Variants in OSBP2 observed in about 807,000 individuals in gnomAD.
OSBP2 encodes oxysterol-binding protein 2.
A neutral mutation model predicts 96.0 loss-of-function variants in OSBP2; 66 were observed. The observed-to-expected ratio is 0.69, with a 90% confidence interval of 0.56 to 0.84. OSBP2 has a LOEUF of 0.84. Ranked by LOEUF, OSBP2 falls within the 40% of genes least tolerant of loss-of-function variation. The pLI, the probability that OSBP2 is intolerant of heterozygous loss-of-function variation, is 0.00. For missense variants in OSBP2, 1,038 were observed against 1,222.7 expected, an observed-to-expected ratio of 0.85 and a Z score of 2.25; for synonymous variants, 525 against 520.9, an observed-to-expected ratio of 1.01 and a Z score of -0.11.
Position 30,870,818 on chromosome 22 carries a change from G to A in OSBP2, c.1107+136G>A, listed in dbSNP as rs996657805. The A allele has an allele frequency of 2.1e-5, 19 of 885,950 alleles. No homozygotes were observed. Among genetic ancestry groups the A allele is most frequent in the Middle Eastern group, 3.5e-4 (1 of 2,826 alleles). The allele number at this position is 885,950 out of a possible 1,614,324, so 54.9% of individuals were successfully genotyped here. A position where few individuals can be genotyped will look rare whatever the true frequency, so the allele number is the denominator to read the frequency against. ...TTCCACGGTGTTTCCCAAAGCCAGC[G>A]CCCCCCAGCTAGCTTCCGAGTTCTT... is the stretch of plus-strand genomic sequence containing the variant. On this transcript the variant is annotated intron_variant, in intron 3 of 13. Transcript: ENST00000332585. This position sits in a 1 kb window ranked among gnomAD's most constrained non-coding sequence, Gnocchi z 4.1.
At chr22:30,857,857 G>C (rs1403263195) in intron 2 of OSBP2, among the ~76,000 whole-genome samples, 4 of 152,228 alleles carry the variant, frequency 2.6e-5, no homozygotes, top group African/African-American at 9.6e-5. Flanking sequence ...CCTGTGTGGA[G>C]TAAGAGGTTT....
intron 1 of OSBP2, among the ~76,000 whole-genome samples, chr22:30,725,480 C>T (rs779788689): frequency 7.3e-5 from 11 of 151,576 alleles, no homozygotes; most frequent in South Asian, 2.1e-4. Context: ...CACTGCACTT[C>T]GGCCTGGGAG....
At chr22:30,889,040 G>C (rs2039882445) in intron 5 of OSBP2, 137 bp from the exon 6 acceptor site, 1 of 683,724 alleles carries the variant, frequency 1.5e-6, no homozygotes, top group African/African-American at 1.8e-5. Flanking sequence ...TGCGGTGCCT[G>C]TCTACACACA....
At chr22:30,802,585 G>C (rs1233867945) in intron 2 of OSBP2, among the ~76,000 whole-genome samples, 1 of 152,216 alleles carries the variant, frequency 6.6e-6, no homozygotes, top group Non-Finnish European at 1.5e-5. Flanking sequence ...GGCATTTTAA[G>C]AGGCTGAGGT....
At chr22:30,773,671 G>T (rs764261926) in intron 2 of OSBP2, among the ~76,000 whole-genome samples, 7 of 152,064 alleles carry the variant, frequency 4.6e-5, no homozygotes, top group Non-Finnish European at 5.9e-5. Flanking sequence ...AGAAGTGGGC[G>T]CTGGTGCTCT....
At chr22:30,767,043 CA>C (rs989677000) in intron 2 of OSBP2, among the ~76,000 whole-genome samples, 7 of 130,170 alleles carry the variant, frequency 5.4e-5, no homozygotes, top group Non-Finnish European at 9.4e-5. Flanking sequence ...AAGGATGCTA[CA>C]AAAAAAGCTC....
chr22:30,695,320 C>G lies in OSBP2; in HGVS notation c.411C>G (p.Leu137=). 1 of 1,613,488 alleles carries G rather than the reference C, an allele frequency of 6.2e-7. No individual in the cohort carries two copies. The highest frequency in any genetic ancestry group is 1.7e-5 in the Admixed American group (1 of 60,026). Residue 137 remains leucine (L), a synonymous_variant, in exon 1 of 14, where the codon CTC becomes CTG. Coordinates refer to ENST00000332585, the MANE Select transcript of OSBP2 (RefSeq NM_030758.4). ...LSRAVGSATF[L]RPESGSLPAL... ...GGGCGGTGGGGAGCGCGACCTTTCT[C>G]AGACCCGAGTCAGGATCGCTGCCAG...
At chr22:30,717,090 T>TTTTTGTGTGTGTGTG (rs71328866) in intron 1 of OSBP2, among the ~76,000 whole-genome samples, 20 of 118,414 alleles carry the variant, frequency 1.7e-4, no homozygotes, top group African/African-American at 5.7e-4. Flanking sequence ...TTTACTGTTT[T>TTTTTGTGTGTGTGTG]TGTGTGTGTG....
At chr22:30,825,674 C>A (rs193288945) in intron 2 of OSBP2, among the ~76,000 whole-genome samples, 1 of 152,176 alleles carries the variant, frequency 6.6e-6, no homozygotes, top group Non-Finnish European at 1.5e-5. Flanking sequence ...CTGGTTGGAA[C>A]GTAAGTCACG....
chr22:30,845,715 C>T (rs1569147775), intron 2 of OSBP2, among the ~76,000 whole-genome samples: 1 of 151,822 alleles, frequency 6.6e-6, no homozygotes, highest in African/African-American at 2.4e-5. Flanking sequence ...AATCCCATCT[C>T]TACCAAAAAT....
chr22:30,713,441 T>G (rs1407267394), intron 1 of OSBP2, among the ~76,000 whole-genome samples: 3 of 143,558 alleles, frequency 2.1e-5, no homozygotes, highest in African/African-American at 7.7e-5. Flanking sequence ...CAATGAAGTA[T>G]TTTATTTTAT....
chr22:30,745,307 G>A (rs937128176), intron 2 of OSBP2, among the ~76,000 whole-genome samples: 2 of 152,026 alleles, frequency 1.3e-5, no homozygotes, highest in South Asian at 2.1e-4. Flanking sequence ...CTTTATACCC[G>A]AAGGAAGTAG....
intron 12 of OSBP2, 122 bp downstream of exon 12, chr22:30,894,123 G>GT: frequency 6.8e-6 from 5 of 737,180 alleles, no homozygotes; most frequent in Non-Finnish European, 8.8e-6. Flanking sequence ...GCAGAGAACA[G>GT]TATTATGCAG....
chr22:30,905,396 C>G (rs2040309008), intron 12 of OSBP2, among the ~76,000 whole-genome samples: 1 of 151,820 alleles, frequency 6.6e-6, no homozygotes, highest in African/African-American at 2.4e-5. Flanking sequence ...CCGGCCTCAG[C>G]CTCCCAAAGC....
At chr22:30,888,720 C>T (rs967734873) in intron 5 of OSBP2, among the ~76,000 whole-genome samples, 149 of 152,258 alleles carry the variant, frequency 9.8e-4, no homozygotes, top group African/African-American at 3.6e-3. Flanking sequence ...CAGAGAGACC[C>T]TGTCTCAAAA....
chr22:30,881,065 T>G lies in OSBP2; in HGVS notation c.1108-6361T>G, dbSNP rs2039693539. On this transcript the variant is annotated intron_variant, in intron 3 of 13. Coordinates refer to ENST00000332585, the MANE Select transcript of OSBP2 (RefSeq NM_030758.4). This position sits in a 1 kb window ranked among gnomAD's most constrained non-coding sequence, Gnocchi z 4.5. ...CGAGCTTTGTGGTTCTCACTCTGCT[T>G]GGGGGCAACTCGACAGGCTCCCTGC... 6.6e-6 allele frequency among the ~76,000 whole-genome samples: 1 copy of G among 152,074 alleles called. No homozygotes were observed. The highest frequency in any genetic ancestry group is 6.5e-5 in the Admixed American group (1 of 15,278).
intron 5 of OSBP2, 51 bp from the exon 6 acceptor site, chr22:30,889,126 A>G: frequency 6.5e-7 from 1 of 1,529,800 alleles, no homozygotes; most frequent in African/African-American, 1.4e-5. Context: ...GCCAGGTCCC[A>G]AGGAGACCTC....
At chr22:30,822,438 G>A (rs1368464031) in intron 2 of OSBP2, 2 of 1,098,246 alleles carry the variant, frequency 1.8e-6, no homozygotes, top group African/African-American at 3.3e-5. Flanking sequence ...CTCCCGCGGC[G>A]CGGACGGGGT....
chr22:30,856,323 G>A (rs1235639592), intron 2 of OSBP2, among the ~76,000 whole-genome samples: 3 of 150,266 alleles, frequency 2.0e-5, no homozygotes, highest in South Asian at 2.1e-4. Flanking sequence ...TGTTCTGCCC[G>A]AGCACCAGCT....
Sources: allele counts gnomAD v4.1 joint callset (sites outside exome capture counted in the v4.1 genomes callset), GRCh38; gene constraint gnomAD v4.1.1; non-coding constraint Gnocchi (gnomAD v3.1); transcripts MANE v1.5; gene names NCBI Gene and HGNC (gene_info 2026-07-23, HGNC 2026-07-21).